WDR1: variants seen among roughly 807,000 people sequenced by gnomAD.
WDR1 encodes WD repeat domain 1, also known as WD repeat-containing protein 1.
WDR1 carries 21 observed loss-of-function variants against 71.9 expected under a neutral mutation model. That is an observed-to-expected ratio of 0.29 (90% CI 0.21 to 0.42). The LOEUF (loss-of-function observed/expected upper bound fraction) is 0.42. Ranked by LOEUF, WDR1 falls within the 10% of genes least tolerant of loss-of-function variation. WDR1 has a pLI of 1.00. For missense variants in WDR1, 696 were observed against 824.5 expected (o/e 0.84, Z 1.91); for synonymous variants, 424 against 347.4 (o/e 1.22, Z -2.45).
intron 2 of WDR1, among the ~76,000 whole-genome samples, chr4:10,105,974 A>C (rs1316346558): frequency 6.6e-6 from 1 of 152,258 alleles, no homozygotes; most frequent in African/African-American, 2.4e-5. Flanking sequence ...ATCAATCGCC[A>C]ACATGTTATG....
At chr4:10,094,623 G>A (rs1712212678) in intron 5 of WDR1, 1 of 152,212 alleles carries the variant, frequency 6.6e-6, no homozygotes, top group South Asian at 2.1e-4. Context: ...ACGGTGCCCA[G>A]GGTCTCCTTT....
At chr4:10,097,960 A>C (rs1712454530) in intron 4 of WDR1, 69 bp from the exon 5 acceptor site, 2 of 1,437,690 alleles carry the variant, frequency 1.4e-6, no homozygotes, top group Non-Finnish European at 1.8e-6. Context: ...GCTGGTAAGC[A>C]ATCTGATAGC....
chr4:10,088,550 G>T, intron 6 of WDR1, 114 bp downstream of exon 6: 1 of 1,150,786 alleles, frequency 8.7e-7, no homozygotes, highest in Non-Finnish European at 1.3e-6. Context: ...TGTGGGGAGG[G>T]CGATGTCTAA....
chr4:10,077,035 G>A (rs1049463942), intron 14 of WDR1: 20 of 448,080 alleles, frequency 4.5e-5, no homozygotes, highest in Middle Eastern at 5.9e-4. Context: ...TTTAAGGGGT[G>A]AGTGGGGGAA....
intron 9 of WDR1, chr4:10,083,721 C>A: frequency 2.2e-6 from 1 of 457,100 alleles, no homozygotes; most frequent in South Asian, 1.5e-5. Context: ...GGCATCCCTG[C>A]CCAGGCACTC....
At position 10,116,154 on chromosome 4, in the gene WDR1, G is replaced by A. The variant is rs770078955; in HGVS notation, c.97C>T (p.Leu33=). The change falls in exon 2 of 15, where the codon CTG becomes TTG. Residue 33 remains leucine, a synonymous_variant. Transcript: ENST00000499869. ...IGGDPKGNNF[L]YTNGKCVILR... is the part of the protein sequence containing the mutation. ...ATGACGCACTTTCCATTGGTGTACA[G>A]AAAATTGTTGCCCTTAGGGTCGCCG... 1 of 1,613,776 alleles carries A rather than the reference G, an allele frequency of 6.2e-7. No individual in the cohort carries two copies. Among genetic ancestry groups the A allele is most frequent in the Non-Finnish European group, 8.5e-7 (1 of 1,179,818 alleles).
At position 10,084,572 on chromosome 4, in the gene WDR1, T is replaced by G. The variant is rs375033148; in HGVS notation, c.952-42A>C. ...CTGGGCGGGTAAGCTGATGACACAC[T>G]GCCCTGCCCTCTGCCACCCGCTTTC... is the stretch of plus-strand genomic sequence containing the variant. On this transcript the variant is annotated intron_variant, in intron 8 of 14. Coordinates refer to ENST00000499869, the MANE Select transcript of WDR1 (RefSeq NM_017491.5). 3.4e-5 allele frequency: 53 copies of G among 1,577,320 alleles called. No homozygotes were observed. In the Admixed American group the frequency reaches 4.6e-4, roughly 14 times the overall value.
intron 2 of WDR1, among the ~76,000 whole-genome samples, chr4:10,114,410 G>A (rs1473805432): frequency 6.6e-6 from 1 of 152,202 alleles, no homozygotes; most frequent in African/African-American, 2.4e-5. Context: ...TGCTAAGTCT[G>A]ACTCCTCTTT....
Position 10,115,944 on chromosome 4 carries a change from T to A in WDR1, c.138+169A>T, listed in dbSNP as rs1713691137. The A allele has an allele frequency of 5.8e-6, 5 of 858,230 alleles. No homozygotes were observed. In the Admixed American group the frequency reaches 8.7e-5, roughly 15 times the overall value. The allele number at this position is 858,230 out of a possible 1,614,324, so 53.2% of individuals were successfully genotyped here. ...AGGAGCAGACAAGGACCTGGGTGAA[T>A]CTGAGGCCGGCTTCCGGGGCTCCGA... On this transcript the variant is annotated intron_variant, in intron 2 of 14. Transcript: ENST00000499869.
chr4:10,081,377 C>T lies in WDR1; in HGVS notation c.1264G>A (p.Val422Met), dbSNP rs761742854. Residue 422 changes from valine (V) to methionine (M), a missense_variant, in exon 11 of 15, where the codon GTG becomes ATG. Transcript: ENST00000499869. ...CCTACCTGTCCAATGCACACGACCA[C>T]GGCGTATCCCCCGGGGCCGACGGCT... Reference protein sequence around the residue: ...CVAVGPGGYAVVVCIGQIVLL... With the variant: ...CVAVGPGGYAMVVCIGQIVLL... 8 of 1,613,970 alleles carry T rather than the reference C, an allele frequency of 5.0e-6. No homozygotes were observed. The Admixed American group carries it at 8.3e-5, about 17-fold the overall frequency.
In WDR1 at chr4:10,116,194, G is replaced by C; in HGVS notation, c.57C>G (p.Val19=). 1 of 1,613,802 alleles carries C rather than the reference G, an allele frequency of 6.2e-7. No homozygotes were observed. Among genetic ancestry groups the C allele is most frequent in the Non-Finnish European group, 8.5e-7 (1 of 1,179,838 alleles). The part of the protein sequence containing the change: ...FASLPQVERG[V]SKIIGGDPKG... ...TAGGGTCGCCGCCGATGATCTTGGA[G>C]ACGCCCCTCTCCACCTGCGGGAGGC... The change falls in exon 2 of 15, where the codon GTC becomes GTG. Residue 19 remains valine, a synonymous_variant. Transcript: ENST00000499869.
intron 9 of WDR1, among the ~76,000 whole-genome samples, chr4:10,083,805 A>G (rs1765105962): frequency 6.6e-6 from 1 of 152,176 alleles, no homozygotes; most frequent in Non-Finnish European, 1.5e-5. Context: ...TGCAGGAAAA[A>G]CACAACAGAA....
intron 3 of WDR1, among the ~76,000 whole-genome samples, chr4:10,102,567 GGCCCCTGCTGTCCAACT>G (rs1712740775): frequency 6.6e-6 from 1 of 151,954 alleles, no homozygotes; most frequent in Non-Finnish European, 1.5e-5. Flanking sequence ...GCTGTGCAAC[GGCCCCTGCTGTCCAACT>G]GCCCAGCCCC....
Position 10,116,125 on chromosome 4 carries a change from T to C in WDR1, c.126A>G (p.Leu42=). ...FLYTNGKCVI[L]RNIDNPALAD... ...AGGGGGTACTCACGTCGATGTTCCT[T>C]AGGATGACGCACTTTCCATTGGTGT... The change falls in exon 2 of 15, where the codon CTA becomes CTG. Residue 42 remains leucine (L), a synonymous_variant. Transcript: ENST00000499869. 2 of 1,613,486 alleles carry C rather than the reference T, an allele frequency of 1.2e-6. No individual in the cohort carries two copies. Among genetic ancestry groups the C allele is most frequent in the Non-Finnish European group, 1.7e-6 (2 of 1,179,676 alleles).
intron 8 of WDR1, among the ~76,000 whole-genome samples, chr4:10,086,515 G>A (rs894344178): frequency 1.3e-5 from 2 of 152,186 alleles, no homozygotes; most frequent in African/African-American, 4.8e-5. Context: ...CATGTAGAAT[G>A]GATTTGGTGA....
Position 10,083,034 on chromosome 4 carries a change from A to G in WDR1, c.1184T>C (p.Leu395Pro), listed in dbSNP as rs762083339. The change falls in exon 10 of 15, where the codon CTG becomes CCG. Residue 395 changes from leucine (L) to proline (P), a missense_variant. Physicochemically the swap from Leu to Pro is moderately conservative, Grantham distance 98. Transcript: ENST00000499869. ...DDTVRYTSLM[L>P]RDYSGQGVVK... ...CGAGTGCTCTCACCTGTAGTCCCGCAGCATGAGGCTGGTGTACCGCACGGT... is the reference window on the plus strand; with the variant it reads ...CGAGTGCTCTCACCTGTAGTCCCGCGGCATGAGGCTGGTGTACCGCACGGT... 1.2e-6 allele frequency: 2 copies of G among 1,612,652 alleles called. No homozygotes were observed. The highest frequency in any genetic ancestry group is 2.2e-5 in the East Asian group (1 of 44,870).
intron 5 of WDR1, among the ~76,000 whole-genome samples, chr4:10,095,214 A>G (rs926041604): frequency 2.0e-5 from 3 of 152,266 alleles, no homozygotes; most frequent in Admixed American, 2.0e-4. Flanking sequence ...GCCCAGACTC[A>G]GCCGTCATGT....
At chr4:10,093,698 G>T (rs1325651896) in intron 5 of WDR1, among the ~76,000 whole-genome samples, 1 of 152,192 alleles carries the variant, frequency 6.6e-6, no homozygotes, top group African/African-American at 2.4e-5. Context: ...TCAGCCCCCA[G>T]TTTTCAGGAG....
At chr4:10,113,839 C>A (rs900986506) in intron 2 of WDR1, among the ~76,000 whole-genome samples, 4 of 152,236 alleles carry the variant, frequency 2.6e-5, no homozygotes, top group Admixed American at 2.6e-4. Context: ...GCCTGAACAG[C>A]TGGAGGAACG....
Sources: gnomAD v4.1 joint callset for allele counts (sites outside exome capture counted in the v4.1 genomes callset) on GRCh38, gnomAD v4.1.1 for gene constraint, MANE v1.5 for transcripts, NCBI Gene and HGNC (gene_info 2026-07-23, HGNC 2026-07-21) for gene names.